The following PTK2 variants were observed in gnomAD, a reference collection of about 807,000 sequenced individuals.
PTK2 encodes protein tyrosine kinase 2.
In PTK2, 45 loss-of-function variants were observed where a neutral mutation model predicts 150.1. The observed-to-expected ratio is 0.30, with a 90% CI of 0.24 to 0.38. The LOEUF (loss-of-function observed/expected upper bound fraction) is 0.38, where lower values mean the gene tolerates loss of function less well. PTK2 is among the 10% of genes least tolerant of loss of function. The pLI is 1.00. For missense variants in PTK2, 919 were observed against 1,307.3 expected (o/e 0.70, Z 4.58); for synonymous variants, 432 against 449.2 (o/e 0.96, Z 0.48).
Position 140,825,924 on chromosome 8 carries a change from A to C in PTK2, c.648+4548T>G, listed in dbSNP as rs545390743. Among the ~76,000 whole-genome samples, 16 of 152,362 alleles carry C rather than the reference A, an allele frequency of 1.1e-4. No individual in the cohort carries two copies. In the South Asian group the frequency reaches 3.3e-3, roughly 32 times the overall value. ...AAAACTACTAACATCAACGAGACGG[A>C]AATTAAAATACTTGCAAATTATTCT... On this transcript the variant is annotated intron_variant, in intron 8 of 31. Coordinates refer to ENST00000522684, the Ensembl canonical transcript of PTK2.
chr8:140,893,670 C>A (rs1190318614), intron 2 of PTK2, among the ~76,000 whole-genome samples: 1 of 152,072 alleles, frequency 6.6e-6, no homozygotes, highest in Non-Finnish European at 1.5e-5. Context: ...TAAGGAGTTT[C>A]TTTTGGGGAT....
At chr8:140,967,518 C>A (rs550959483) in intron 1 of PTK2, among the ~76,000 whole-genome samples, 2 of 146,690 alleles carry the variant, frequency 1.4e-5, no homozygotes, top group Admixed American at 1.4e-4. Flanking sequence ...TGGAGTGCAG[C>A]GGTGCAATCT....
At chr8:140,661,126 G>A (rs532501592) in intron 31 of PTK2, among the ~76,000 whole-genome samples, 2 of 152,320 alleles carry the variant, frequency 1.3e-5, no homozygotes, top group Non-Finnish European at 2.9e-5. Context: ...GTAAAAGTAG[G>A]CTGGCTTCAA....
chr8:140,824,348 A>G lies in PTK2; in HGVS notation c.649-5328T>C, dbSNP rs139896378. ...CGGTGTTACCTTGCTCATCCTACAC[A>G]TTAACAAGCTGAGACCCAAGAAGTG... is the stretch of plus-strand genomic sequence containing the variant. On this transcript the variant is annotated intron_variant, in intron 8 of 31. Transcript: ENST00000522684. Among the ~76,000 whole-genome samples the G allele has an allele frequency of 6.6e-4, 100 of 152,340 alleles. 1 individual carries two copies. In the East Asian group the frequency reaches 0.016, roughly 24 times the overall value.
intron 1 of PTK2, among the ~76,000 whole-genome samples, chr8:140,931,975 A>G (rs935311018): frequency 2.9e-5 from 4 of 140,262 alleles, no homozygotes; most frequent in Non-Finnish European, 4.6e-5. Context: ...ATTATTGTTT[A>G]TCTTAATTAC....
intron 26 of PTK2, among the ~76,000 whole-genome samples, chr8:140,697,096 T>C (rs902232903): frequency 3.1e-5 from 4 of 129,364 alleles, no homozygotes; most frequent in Non-Finnish European, 6.2e-5. Flanking sequence ...ATTGTGCCAC[T>C]GCACTTTACC....
chr8:140,817,313 T>C (rs1185281613), intron 10 of PTK2, among the ~76,000 whole-genome samples: 1 of 151,350 alleles, frequency 6.6e-6, no homozygotes, highest in African/African-American at 2.4e-5. Context: ...CTGAGCAGAG[T>C]GGGAATGGAA....
At chr8:140,778,721 G>A (rs916063423) in intron 14 of PTK2, among the ~76,000 whole-genome samples, 2 of 152,190 alleles carry the variant, frequency 1.3e-5, no homozygotes, top group Non-Finnish European at 2.9e-5. Context: ...TGATGGGGAT[G>A]TAGGCCAGGG....
At chr8:140,787,463 T>G (rs1353470133) in intron 14 of PTK2, among the ~76,000 whole-genome samples, 1 of 152,186 alleles carries the variant, frequency 6.6e-6, no homozygotes, top group Non-Finnish European at 1.5e-5. Flanking sequence ...TTATTCCTCT[T>G]AATGGGGTTC....
intron 7 of PTK2, among the ~76,000 whole-genome samples, chr8:140,844,888 C>T (rs1318162875): frequency 6.6e-6 from 1 of 152,120 alleles, no homozygotes; most frequent in Non-Finnish European, 1.5e-5. Context: ...CAACATGCTC[C>T]GAGTAACTTG....
At chr8:140,938,482 T>C (rs1411118338) in intron 1 of PTK2, among the ~76,000 whole-genome samples, 1 of 152,202 alleles carries the variant, frequency 6.6e-6, no homozygotes, top group East Asian at 1.9e-4. Context: ...ACAAGGATTG[T>C]CGCAATCCTC....
intron 5 of PTK2, among the ~76,000 whole-genome samples, chr8:140,859,895 A>G (rs1038536126): frequency 9.2e-5 from 14 of 152,330 alleles, no homozygotes; most frequent in Middle Eastern, 6.8e-3. Flanking sequence ...CAGTTCTGGA[A>G]TTGCGAAGCA....
At chr8:140,890,471 C>A in intron 3 of PTK2, 72 bp downstream of exon 3, 1 of 1,278,002 alleles carries the variant, frequency 7.8e-7, no homozygotes, top group Non-Finnish European at 1.1e-6. Flanking sequence ...ATTACACTAT[C>A]TTTTTTCATA....
intron 29 of PTK2, among the ~76,000 whole-genome samples, chr8:140,671,623 A>G (rs2095432231): frequency 6.6e-6 from 1 of 152,044 alleles, no homozygotes; most frequent in Non-Finnish European, 1.5e-5. Flanking sequence ...TTATTTAAAA[A>G]TCTACTTAGG....
intron 20 of PTK2, 131 bp downstream of exon 23, chr8:140,743,099 G>T: frequency 1.6e-6 from 1 of 619,278 alleles, no homozygotes; most frequent in Non-Finnish European, 2.7e-6. Flanking sequence ...TGCTGAGAAG[G>T]CTGTCGCTTC....
At chr8:140,659,291 C>A in exon 32 of PTK2, 1 of 539,882 alleles carries the variant, frequency 1.9e-6, no homozygotes, top group Non-Finnish European at 3.2e-6. Context: ...AAAATGAACC[C>A]AAATCAAAGT....
Position 140,817,896 on chromosome 8 carries a change from AT to A in PTK2, c.867+380del, listed in dbSNP as rs869070489. On this transcript the variant is annotated intron_variant, in intron 10 of 31. Transcript: ENST00000522684. Reference sequence around the variant, plus strand: ...CTTTCAAGAGAATTGTGAATGTATAATTTTTTTTTTTCCTGGAAATAACCTG... The same window carrying A: ...CTTTCAAGAGAATTGTGAATGTATAATTTTTTTTTTCCTGGAAATAACCTG... Among the ~76,000 whole-genome samples the A allele has an allele frequency of 2.7e-3, 405 of 148,982 alleles. 2 individuals carry two copies. Among genetic ancestry groups the A allele is most frequent in the South Asian group, 0.015 (71 of 4,698 alleles).
intron 1 of PTK2, among the ~76,000 whole-genome samples, chr8:140,994,707 C>T (rs1156778903): frequency 6.6e-6 from 1 of 152,196 alleles, no homozygotes; most frequent in African/African-American, 2.4e-5. Context: ...ATGAGATACA[C>T]ATTTACTCTA....
At chr8:140,733,247 A>T (rs2100050616) in intron 22 of PTK2, among the ~76,000 whole-genome samples, 1 of 152,160 alleles carries the variant, frequency 6.6e-6, no homozygotes, top group Non-Finnish European at 1.5e-5. Context: ...GCTGGCATAG[A>T]AGAGAATGTA....
Sources: allele counts gnomAD v4.1 joint callset (sites outside exome capture counted in the v4.1 genomes callset), GRCh38; gene constraint gnomAD v4.1.1; transcripts MANE v1.5; gene names NCBI Gene and HGNC (gene_info 2026-07-23, HGNC 2026-07-21).